Variants in SEMA6C observed in about 807,000 individuals in gnomAD.
SEMA6C encodes the protein semaphorin-6C.
SEMA6C carries 37 observed loss-of-function variants against 72.9 expected under a neutral mutation model. The observed-to-expected ratio is 0.51, with a 90% CI of 0.39 to 0.67. The LOEUF (loss-of-function observed/expected upper bound fraction) is 0.67, where lower values mean the gene tolerates loss of function less well. Among genes scored for constraint, SEMA6C ranks in the 30% least tolerant of loss-of-function variants. The pLI is 0.00. For synonymous variants in SEMA6C, 578 were observed against 554.1 expected (o/e 1.04, Z -0.61); for missense variants, 1,189 against 1,263.6 (o/e 0.94, Z 0.89).
rs771879577 is a variant in SEMA6C, at chr1:151,135,739, C to T, written c.1285G>A (p.Asp429Asn). Residue 429 changes from aspartate (D) to asparagine (N), a missense_variant, in exon 14 of 19, where the codon GAT (aspartate) becomes AAT (asparagine). Physicochemically the swap from Asp to Asn is conservative, Grantham distance 23 (BLOSUM62 1). Transcript: ENST00000368914. ...TTACTGTGGGGACCAGCCATGCCAT[C>T]CACAGCTACTTGGGTCAGTAGGGCC... Reference protein sequence around the residue: ...SRALLTQVAVDGMAGPHSNIT... With the variant: ...SRALLTQVAVNGMAGPHSNIT... 6.2e-7 allele frequency: 1 copy of T among 1,614,062 alleles called. No individual in the cohort carries two copies. Among genetic ancestry groups the T allele is most frequent in the African/African-American group, 1.3e-5 (1 of 74,924 alleles).
intron 18 of SEMA6C, 92 bp downstream of exon 18, chr1:151,134,309 T>C: frequency 8.1e-7 from 1 of 1,233,394 alleles, no homozygotes; most frequent in East Asian, 2.5e-5. Flanking sequence ...ACTCCCAGGG[T>C]ATTCAGAATG....
At position 151,138,649 on chromosome 1, in the gene SEMA6C, G is replaced by A. The variant is rs1164436386; in HGVS notation, c.437C>T (p.Pro146Leu). 9.9e-6 allele frequency: 16 copies of A among 1,614,056 alleles called. No individual in the cohort carries two copies. The highest frequency in any genetic ancestry group is 1.4e-5 in the Non-Finnish European group (16 of 1,179,918). Residue 146 changes from proline to leucine, a missense_variant, in exon 7 of 19, where the codon CCT becomes CTT. This residue lies in a region of SEMA6C where 468 missense variants were observed against 577.4 expected (regional missense o/e 0.81). Transcript: ENST00000368914. The stretch of plus-strand genomic sequence containing the variant: ...TTGTACCCCATAGCTGCGGCACACA[G>A]GGCTGAATGAGTTCGTTCCACAGGC... ...LLACGTNSFS[P>L]VCRSYGITSL...
rs587765959 is a variant in SEMA6C at position 151,145,259 on chromosome 1, G to A, written c.-104-825C>T. On this transcript the variant is annotated intron_variant, in intron 1 of 18. Transcript: ENST00000368914. This position sits in a 1 kb window ranked among gnomAD's most constrained non-coding sequence, Gnocchi z 4.4. ...CCGAAGCCACCTCTGGGGAATGGCTGGGGTCACAGCCAGAGTCTAGGAGAG... is the reference window on the plus strand; with the variant it reads ...CCGAAGCCACCTCTGGGGAATGGCTAGGGTCACAGCCAGAGTCTAGGAGAG... 4 of 152,430 alleles carry A rather than the reference G, an allele frequency of 2.6e-5. No homozygotes were observed. In the South Asian group the frequency reaches 8.3e-4, roughly 32 times the overall value. 9.4% of individuals were successfully genotyped at this position (152,430 alleles called of 1,614,324 possible).
chr1:151,133,467 G>A lies in SEMA6C; in HGVS notation c.1810C>T (p.Pro604Ser). The change falls in exon 19 of 19, where the codon CCA (proline) becomes TCA (serine). Residue 604 changes from proline (P) to serine (S), a missense_variant. By Grantham distance (74) the Pro-to-Ser change is moderately conservative. Around this residue, in one of 2 missense-constraint regions of SEMA6C, gnomAD observed 721 missense variants for 686.2 expected, o/e 1.05. Coordinates refer to ENST00000368914, the MANE Select transcript of SEMA6C (RefSeq NM_030913.6). This position sits in a 1 kb window ranked among gnomAD's most constrained non-coding sequence, Gnocchi z 5.9. ...GCGGCCACACTGGCCAGGAGGAGTG[G>A]GATGGGGACGGAGCGGGAGGCCGAG... ...PASASRSVPI[P>S]LLLASVAAAF... 1.3e-6 allele frequency: 2 copies of A among 1,552,880 alleles called. No individual in the cohort carries two copies. Among genetic ancestry groups the A allele is most frequent in the Non-Finnish European group, 8.7e-7 (1 of 1,154,718 alleles).
chr1:151,145,634 G>C lies in SEMA6C; in HGVS notation c.-105+799C>G, dbSNP rs1682877079. The C allele has an allele frequency of 6.1e-6, 1 of 162,606 alleles. No homozygotes were observed. Among genetic ancestry groups the C allele is most frequent in the African/African-American group, 2.4e-5 (1 of 41,924 alleles). The allele number at this position is 162,606 out of a possible 1,614,324, so 10.1% of individuals were successfully genotyped here. Reference sequence around the variant, plus strand: ...GTCTGGGCCGGGACCGGGTCCCAGAGCCACGTTAGCGAGAGGAGGGGCTGG... The same window carrying C: ...GTCTGGGCCGGGACCGGGTCCCAGACCCACGTTAGCGAGAGGAGGGGCTGG... On this transcript the variant is annotated intron_variant, in intron 1 of 18. Transcript: ENST00000368914. The surrounding 1 kb of genome is among the most constrained non-coding windows in gnomAD (Gnocchi z 4.4).
In SEMA6C at chr1:151,135,274, C is replaced by G; in HGVS notation, c.1469G>C (p.Arg490Pro). 6.2e-7 allele frequency: 1 copy of G among 1,614,206 alleles called. No individual in the cohort carries two copies. The highest frequency in any genetic ancestry group is 2.2e-5 in the East Asian group (1 of 44,890). Reference sequence around the variant, plus strand: ...AGTGTCCAGCTCCAGCCCTATGATCCGTCGTGCTGTTTGGGCTGTCCGCTT... The same window carrying G: ...AGTGTCCAGCTCCAGCCCTATGATCGGTCGTGCTGTTTGGGCTGTCCGCTT... ...SGKRTAQTARRIIGLELDTEG... is the reference protein window; with the variant it reads ...SGKRTAQTARPIIGLELDTEG... The change falls in exon 15 of 19, where the codon CGG becomes CCG. Residue 490 changes from arginine (R) to proline (P), a missense_variant. Arg to Pro is a moderately radical substitution (Grantham distance 103, BLOSUM62 -2). Around this residue, in one of 2 missense-constraint regions of SEMA6C, gnomAD observed 721 missense variants for 686.2 expected, o/e 1.05. Transcript: ENST00000368914.
Position 151,138,071 on chromosome 1 carries a change from G to C in SEMA6C, c.582C>G (p.Phe194Leu). The C allele has an allele frequency of 6.2e-7, 1 of 1,614,200 alleles. No homozygotes were observed. The highest frequency in any genetic ancestry group is 8.5e-7 in the Non-Finnish European group (1 of 1,180,028). ...TGTAAACTACAGCATCACTGGCCTG[G>C]AAATCCGCAGCTGTGGCTGAGTACA... ...GSLYSATAAD[F>L]QASDAVVYRS... The change falls in exon 9 of 19, where the codon TTC becomes TTG. Residue 194 changes from phenylalanine to leucine, a missense_variant. Physicochemically the swap from Phe to Leu is conservative, Grantham distance 22. Coordinates refer to ENST00000368914, the MANE Select transcript of SEMA6C (RefSeq NM_030913.6).
chr1:151,135,963 G>A, intron 13 of SEMA6C, 48 bp downstream of exon 13: 3 of 1,610,516 alleles, frequency 1.9e-6, no homozygotes, highest in South Asian at 2.2e-5. Flanking sequence ...GAAAGAGGAG[G>A]GTGGCTGAGA....
rs1240678840 is a variant in SEMA6C, at chr1:151,133,953, C to G, written c.1760-436G>C. On this transcript the variant is annotated intron_variant, in intron 18 of 18. Transcript: ENST00000368914. The surrounding 1 kb of genome is among the most constrained non-coding windows in gnomAD (Gnocchi z 5.9). ...TCACTCCTATCTCTCCCAAGTAGCC[C>G]CCTTACCCCGAGTGTGAACTCCAAG... is the stretch of plus-strand genomic sequence containing the variant. The G allele has an allele frequency of 6.5e-7, 1 of 1,545,806 alleles. No individual in the cohort carries two copies. The highest frequency in any genetic ancestry group is 8.7e-7 in the Non-Finnish European group (1 of 1,143,030).
rs993225314 is a variant in SEMA6C, at chr1:151,132,542, G to A, written c.2735C>T (p.Pro912Leu). The A allele has an allele frequency of 1.4e-5, 21 of 1,550,748 alleles. No individual in the cohort carries two copies. The highest frequency in any genetic ancestry group is 5.9e-5 in the Admixed American group (3 of 51,062). The change falls in exon 19 of 19, where the codon CCC becomes CTC. Residue 912 changes from proline to leucine, a missense_variant. By Grantham distance (98) the Pro-to-Leu change is moderately conservative. Around this residue, in one of 2 missense-constraint regions of SEMA6C, gnomAD observed 721 missense variants for 686.2 expected, o/e 1.05. Coordinates refer to ENST00000368914, the MANE Select transcript of SEMA6C (RefSeq NM_030913.6). ...CTGGCGGGAGGAGGGCCCGACGAGGGGAGGCTTCAGGGACAACTGGGGCTT... is the reference window on the plus strand; with the variant it reads ...CTGGCGGGAGGAGGGCCCGACGAGGAGAGGCTTCAGGGACAACTGGGGCTT... ...VEKPQLSLKP[P>L]LVGPSSRQAV...
Position 151,132,070 on chromosome 1 carries a change from T to G in SEMA6C, c.*414A>C. Reference sequence around the variant, plus strand: ...CAGGCAGTGGCTGCAGACACGGCTGTATTGGGAAGCGGAGGCTCCTACACA... The same window carrying G: ...CAGGCAGTGGCTGCAGACACGGCTGGATTGGGAAGCGGAGGCTCCTACACA... On this transcript the variant is annotated 3_prime_UTR_variant, in exon 19 of 19. Transcript: ENST00000368914. 5.5e-6 allele frequency: 3 copies of G among 546,736 alleles called. No individual in the cohort carries two copies. The highest frequency in any genetic ancestry group is 5.5e-6 in the Non-Finnish European group (2 of 362,214). The allele number at this position is 546,736 out of a possible 1,614,324, so 33.9% of individuals were successfully genotyped here. A position where few individuals can be genotyped will look rare whatever the true frequency, so the allele number is the denominator to read the frequency against.
chr1:151,136,749 T>G (rs1364466381), intron 11 of SEMA6C, 108 bp downstream of exon 11: 12 of 1,359,988 alleles, frequency 8.8e-6, no homozygotes, highest in Non-Finnish European at 1.2e-5. Context: ...CAAACTGGCT[T>G]TGTTCGGAGG....
intron 3 of SEMA6C, among the ~76,000 whole-genome samples, chr1:151,141,725 T>A (rs57646876): frequency 0.034 from 4,509 of 133,756 alleles, 249 homozygotes; most frequent in African/African-American, 0.12. Context: ...TTTTTTTTTT[T>A]AATCGGCTTT....
chr1:151,133,005 G>A lies in SEMA6C; in HGVS notation c.2272C>T (p.Pro758Ser). The change falls in exon 19 of 19, where the codon CCC becomes TCC. Residue 758 changes from proline (P) to serine (S), a missense_variant. Physicochemically the swap from Pro to Ser is moderately conservative, Grantham distance 74. Around this residue, in one of 2 missense-constraint regions of SEMA6C, gnomAD observed 721 missense variants for 686.2 expected, o/e 1.05. Coordinates refer to ENST00000368914, the MANE Select transcript of SEMA6C (RefSeq NM_030913.6). The surrounding 1 kb of genome is among the most constrained non-coding windows in gnomAD (Gnocchi z 5.9). ...VLVRPPPPGC[P>S]GQAVEVTTLE... The stretch of plus-strand genomic sequence containing the variant: ...GTGGTGACTTCCACGGCCTGCCCGG[G>A]ACAGCCGGGCGGCGGTGGCCTCACC... 7.1e-7 allele frequency: 1 copy of A among 1,409,334 alleles called. No individual in the cohort carries two copies. The allele number at this position is 1,409,334 out of a possible 1,614,324, so 87.3% of individuals were successfully genotyped here.
At position 151,132,835 on chromosome 1, in the gene SEMA6C, G is replaced by A. The variant is rs1055007471; in HGVS notation, c.2442C>T (p.Cys814=). The A allele has an allele frequency of 3.1e-6, 4 of 1,285,420 alleles. No homozygotes were observed. Among genetic ancestry groups the A allele is most frequent in the East Asian group, 3.5e-5 (1 of 28,210 alleles). The allele number at this position is 1,285,420 out of a possible 1,614,324, so 79.6% of individuals were successfully genotyped here. Residue 814 remains cysteine (C), a synonymous_variant, in exon 19 of 19, where the codon TGC becomes TGT. Coordinates refer to ENST00000368914, the MANE Select transcript of SEMA6C (RefSeq NM_030913.6). ...GCACGTCCAGCCTCAGCGGCGAGGC[G>A]CACTCGTGGGGCCTGGGGCTGGGGC... is the stretch of plus-strand genomic sequence containing the variant. The part of the protein sequence containing the change: ...LGGPSPRPHE[C]ASPLRLDVPP...
chr1:151,133,516 G>A lies in SEMA6C; in HGVS notation c.1761C>T (p.Gly587=), dbSNP rs1331948173. 6.6e-7 allele frequency: 1 copy of A among 1,508,088 alleles called. No homozygotes were observed. Among genetic ancestry groups the A allele is most frequent in the South Asian group, 1.2e-5 (1 of 82,644 alleles). 93.4% of individuals were successfully genotyped at this position (1,508,088 alleles called of 1,614,324 possible). ...SQSGPGDSAY[G]VRRDLPPASA... is the part of the protein sequence containing the mutation. ...AGGCTGGGGGCAGGTCCCGGCGCAC[G>A]CCTGCCGACCGAGAGGGAGGAGGGA... is the stretch of plus-strand genomic sequence containing the variant. The change falls in exon 19 of 19, where the codon GGC becomes GGT. Residue 587 remains glycine (G), a splice_region_variant and synonymous_variant. Transcript: ENST00000368914. This position sits in a 1 kb window ranked among gnomAD's most constrained non-coding sequence, Gnocchi z 5.9.
At position 151,138,329 on chromosome 1, in the gene SEMA6C, C is replaced by T. The variant is rs1682236291; in HGVS notation, c.534G>A (p.Val178=). 6.2e-7 allele frequency: 1 copy of T among 1,613,864 alleles called. No homozygotes were observed. The highest frequency in any genetic ancestry group is 1.1e-5 in the South Asian group (1 of 91,044). Residue 178 remains valine (V), a synonymous_variant, in exon 8 of 19, where the codon GTG becomes GTA. Transcript: ENST00000368914. ...RCPFDATQSN[V]AIFAEGSLYS... Reference sequence around the variant, plus strand: ...CCAGTTGCACACCTGCAAAGATGGCCACGTTGGACTGGGTGGCATCAAAGG... The same window carrying T: ...CCAGTTGCACACCTGCAAAGATGGCTACGTTGGACTGGGTGGCATCAAAGG...
intron 3 of SEMA6C, among the ~76,000 whole-genome samples, chr1:151,141,701 C>T (rs1461965315): frequency 7.0e-6 from 1 of 142,402 alleles, no homozygotes; most frequent in African/African-American, 2.6e-5. Context: ...GTAAAGCCAC[C>T]GTGCCCAGCT....
intron 3 of SEMA6C, among the ~76,000 whole-genome samples, chr1:151,140,881 C>T (rs1470906019): frequency 6.6e-6 from 1 of 152,062 alleles, no homozygotes; most frequent in African/African-American, 2.4e-5. Context: ...GCCTGTAGTC[C>T]CAGCTACTCG....
Sources: allele counts gnomAD v4.1 joint callset (sites outside exome capture counted in the v4.1 genomes callset), GRCh38; gene constraint gnomAD v4.1.1; regional missense constraint gnomAD v4.1.1; non-coding constraint Gnocchi (gnomAD v3.1); transcripts MANE v1.5; gene names NCBI Gene and HGNC (gene_info 2026-07-23, HGNC 2026-07-21).